Variants in GRIA1 observed in about 807,000 individuals in gnomAD.
The protein encoded by GRIA1 is glutamate receptor 1.
GRIA1 carries 31 observed loss-of-function variants against 99.2 expected under a neutral mutation model. The observed-to-expected ratio is 0.31, with a 90% confidence interval of 0.23 to 0.42. The LOEUF is 0.42. Ranked by LOEUF, GRIA1 falls within the 10% of genes least tolerant of loss-of-function variation. GRIA1 has a pLI of 1.00. For synonymous variants in GRIA1, 438 were observed against 432.4 expected (o/e 1.01, Z -0.16); for missense variants, 782 against 1,157.5 (o/e 0.68, Z 4.71).
chr5:153,619,606 C>A (rs901540833), intron 2 of GRIA1, among the ~76,000 whole-genome samples: 1 of 151,788 alleles, frequency 6.6e-6, no homozygotes, highest in Non-Finnish European at 1.5e-5. Context: ...ATAAAGGCAG[C>A]AAGCAATGAG....
intron 11 of GRIA1, among the ~76,000 whole-genome samples, chr5:153,753,999 T>C (rs1762660461): frequency 6.6e-6 from 1 of 152,222 alleles, no homozygotes; most frequent in Non-Finnish European, 1.5e-5. Flanking sequence ...CGTTCTAGTT[T>C]TGAAAGTGTT....
At chr5:153,715,176 C>A (rs1358022171) in intron 11 of GRIA1, among the ~76,000 whole-genome samples, 2 of 152,140 alleles carry the variant, frequency 1.3e-5, no homozygotes, top group Non-Finnish European at 2.9e-5. Flanking sequence ...TCTAGTATGT[C>A]CCTAGCTCCC....
intron 8 of GRIA1, among the ~76,000 whole-genome samples, chr5:153,695,377 G>A (rs1236202314): frequency 3.3e-5 from 5 of 152,180 alleles, no homozygotes; most frequent in Non-Finnish European, 5.9e-5. Flanking sequence ...GGCAACTCTT[G>A]CGGGGAATCC....
intron 15 of GRIA1, among the ~76,000 whole-genome samples, chr5:153,807,677 G>A (rs1028270082): frequency 6.6e-6 from 1 of 152,156 alleles, no homozygotes; most frequent in Non-Finnish European, 1.5e-5. Flanking sequence ...TAACATTTCG[G>A]TCTAATTCAA....
intron 2 of GRIA1, among the ~76,000 whole-genome samples, chr5:153,538,722 G>A (rs1020043805): frequency 6.6e-6 from 1 of 152,096 alleles, no homozygotes; most frequent in Non-Finnish European, 1.5e-5. Context: ...ACTTGCGTTA[G>A]CACAACATGT....
intron 5 of GRIA1, among the ~76,000 whole-genome samples, chr5:153,669,530 A>T (rs1453055916): frequency 6.6e-6 from 1 of 152,140 alleles, no homozygotes; most frequent in African/African-American, 2.4e-5. Flanking sequence ...TGCCACTGCT[A>T]CTCTGTCCCC....
In GRIA1 at chr5:153,770,979, C is replaced by T. The variant is rs114971441; in HGVS notation, c.2270+564C>T. ...ACTGATTTATTTAGCAAGATATAGA[C>T]AGTTTGGTAAAGAAGCAGAGTGGAC... On this transcript the variant is annotated intron_variant, in intron 13 of 15. Coordinates refer to ENST00000285900, the MANE Select transcript of GRIA1 (RefSeq NM_000827.4). Among the ~76,000 whole-genome samples the T allele has an allele frequency of 6.0e-3, 911 of 152,286 alleles. 14 individuals are homozygous for T. Among genetic ancestry groups the T allele is most frequent in the African/African-American group, 0.021 (863 of 41,566 alleles).
At chr5:153,629,218 C>T (rs1244818320) in intron 2 of GRIA1, among the ~76,000 whole-genome samples, 1 of 152,184 alleles carries the variant, frequency 6.6e-6, no homozygotes, top group Non-Finnish European at 1.5e-5. Context: ...ATTTCCTCTT[C>T]CCTCCCCCTT....
rs1327245695 is a variant in GRIA1 at position 153,770,565 on chromosome 5, C to T, written c.2270+150C>T. On this transcript the variant is annotated intron_variant, in intron 13 of 15. Transcript: ENST00000285900. The stretch of plus-strand genomic sequence containing the variant: ...CACCTATGGGCCTGAAAGATTCCAG[C>T]CACCCAAGATCTTCAGCCCTGAGGT... The T allele has an allele frequency of 3.0e-5, 23 of 759,878 alleles. No homozygotes were observed. In the Admixed American group the frequency reaches 5.4e-4, roughly 18 times the overall value. 47.1% of individuals were successfully genotyped at this position (759,878 alleles called of 1,614,324 possible).
chr5:153,724,853 T>A (rs1760385452), intron 11 of GRIA1, among the ~76,000 whole-genome samples: 1 of 152,258 alleles, frequency 6.6e-6, no homozygotes. Context: ...ACTTCCCCAA[T>A]CTAGCAAGGC....
chr5:153,691,659 C>T (rs1757765295), intron 8 of GRIA1, among the ~76,000 whole-genome samples: 1 of 152,186 alleles, frequency 6.6e-6, no homozygotes, highest in African/African-American at 2.4e-5. Flanking sequence ...CCTTGTTACC[C>T]AATTTTGACC....
intron 5 of GRIA1, among the ~76,000 whole-genome samples, chr5:153,657,863 G>A (rs2149467070): frequency 6.6e-6 from 1 of 152,176 alleles, no homozygotes; most frequent in East Asian, 1.9e-4. Flanking sequence ...TTTAAATGAG[G>A]GTGGCTCTCC....
intron 11 of GRIA1, among the ~76,000 whole-genome samples, chr5:153,723,998 G>C (rs1003793418): frequency 2.6e-5 from 4 of 152,210 alleles, no homozygotes; most frequent in African/African-American, 9.6e-5. Context: ...GCGCCCCCCA[G>C]TAGGGGCAGG....
intron 11 of GRIA1, among the ~76,000 whole-genome samples, chr5:153,716,441 G>A (rs1759672703): frequency 6.6e-6 from 1 of 152,022 alleles, no homozygotes; most frequent in South Asian, 2.1e-4. Flanking sequence ...TCCTTTATAG[G>A]ATTCCCTAAC....
intron 13 of GRIA1, among the ~76,000 whole-genome samples, chr5:153,792,809 G>T (rs1765385488): frequency 6.6e-6 from 1 of 152,064 alleles, no homozygotes; most frequent in South Asian, 2.1e-4. Context: ...AGAGAGAGAG[G>T]AGTACTGGCC....
chr5:153,580,330 C>T (rs1762937875), intron 2 of GRIA1, among the ~76,000 whole-genome samples: 1 of 152,192 alleles, frequency 6.6e-6, no homozygotes, highest in Non-Finnish European at 1.5e-5. Flanking sequence ...CTTGCTCTCC[C>T]TTCAGGGATT....
intron 2 of GRIA1, among the ~76,000 whole-genome samples, chr5:153,579,892 C>CAA (rs1285392666): frequency 8.0e-5 from 11 of 136,928 alleles, no homozygotes; most frequent in African/African-American, 3.3e-4. Context: ...AACAAACAAA[C>CAA]AAACAAAAAA....
chr5:153,623,366 T>C (rs892717260), intron 2 of GRIA1, among the ~76,000 whole-genome samples: 9 of 152,196 alleles, frequency 5.9e-5, no homozygotes, highest in Admixed American at 4.6e-4. Flanking sequence ...TTGTTTCTTA[T>C]TCATGTAAGA....
At chr5:153,774,571 C>T (rs2149625496) in intron 13 of GRIA1, among the ~76,000 whole-genome samples, 1 of 152,282 alleles carries the variant, frequency 6.6e-6, no homozygotes, top group South Asian at 2.1e-4. Context: ...TCCAGGCTTA[C>T]TGCCTGTAGT....
Sources: allele counts gnomAD v4.1 joint callset (sites outside exome capture counted in the v4.1 genomes callset), GRCh38; gene constraint gnomAD v4.1.1; transcripts MANE v1.5; gene names NCBI Gene and HGNC (gene_info 2026-07-23, HGNC 2026-07-21).